TTLL11: variants seen among roughly 807,000 people sequenced by gnomAD.
The protein encoded by TTLL11 is tubulin polyglutamylase TTLL11.
Under a neutral mutation model 51.7 loss-of-function variants are expected in TTLL11, and 42 were observed. The ratio of observed to expected loss-of-function variants is 0.81; its 90% CI spans 0.64 to 1.05. The LOEUF is 1.05. TTLL11 is among the 50% of genes least tolerant of loss of function. The pLI is 0.00. For missense variants in TTLL11, 799 were observed against 940.4 expected, an observed-to-expected ratio of 0.85 and a Z score of 1.97; for synonymous variants, 381 against 383.5, an observed-to-expected ratio of 0.99 and a Z score of 0.08.
chr9:121,854,118 T>C (rs1281299456), intron 8 of TTLL11, among the ~76,000 whole-genome samples: 2 of 152,116 alleles, frequency 1.3e-5, no homozygotes, highest in Non-Finnish European at 2.9e-5. Context: ...TTGCCTAACT[T>C]CCCTGAGGTT....
At chr9:122,034,212 G>A (rs1844637459) in intron 2 of TTLL11, among the ~76,000 whole-genome samples, 1 of 152,224 alleles carries the variant, frequency 6.6e-6, no homozygotes, top group South Asian at 2.1e-4. Context: ...AGGTCAGAAG[G>A]GCTCACACAA....
At chr9:122,031,653 CACACAGG>C in intron 3 of TTLL11, 63 bp downstream of exon 3, 1 of 1,551,954 alleles carries the variant, frequency 6.4e-7, no homozygotes, top group South Asian at 1.2e-5. Flanking sequence ...CAGCTCCCAG[CACACAGG>C]ACCCAGGACA....
intron 6 of TTLL11, among the ~76,000 whole-genome samples, chr9:121,964,635 T>C (rs1275321329): frequency 6.6e-6 from 1 of 152,016 alleles, no homozygotes; most frequent in Non-Finnish European, 1.5e-5. Context: ...ACCTCCGGCT[T>C]TGGGTTTCCA....
intron 6 of TTLL11, among the ~76,000 whole-genome samples, chr9:121,892,632 A>G (rs893237366): frequency 6.6e-6 from 1 of 152,308 alleles, no homozygotes; most frequent in Non-Finnish European, 1.5e-5. Context: ...AAACCATATC[A>G]AGAACCTTTT....
chr9:122,004,131 T>A (rs899050459), intron 3 of TTLL11, among the ~76,000 whole-genome samples: 7 of 151,258 alleles, frequency 4.6e-5, no homozygotes, highest in East Asian at 2.0e-4. Context: ...CAAAAAAAAA[T>A]AATAAAATAA....
intron 6 of TTLL11, among the ~76,000 whole-genome samples, chr9:121,895,552 T>C (rs1179773732): frequency 2.0e-5 from 3 of 151,580 alleles, no homozygotes; most frequent in Non-Finnish European, 4.4e-5. Context: ...TCGTTGTACA[T>C]ATGTGTGTGT....
At chr9:121,986,326 G>A (rs1287586714) in intron 4 of TTLL11, among the ~76,000 whole-genome samples, 2 of 152,152 alleles carry the variant, frequency 1.3e-5, no homozygotes, top group African/African-American at 2.4e-5. Context: ...AGGGCTCTGT[G>A]GCTTGGCTCT....
chr9:121,824,069 A>C (rs1054274583), intron 8 of TTLL11, among the ~76,000 whole-genome samples: 18 of 152,188 alleles, frequency 1.2e-4, no homozygotes, highest in African/African-American at 4.3e-4. Flanking sequence ...CTCAGTATAG[A>C]TGAATGAGTG....
At position 122,028,114 on chromosome 9, in the gene TTLL11, A is replaced by T. The variant is rs142864401; in HGVS notation, c.693+3609T>A. Among the ~76,000 whole-genome samples, 329 of 152,326 alleles carry T rather than the reference A, an allele frequency of 2.2e-3. 2 individuals carry two copies. Among genetic ancestry groups the T allele is most frequent in the African/African-American group, 7.6e-3 (314 of 41,564 alleles). ...ACCCTAGATACTAGGGCTAGGGTGAAAACTAAAAAGATTTTTAAAAGAAGT... is the reference window on the plus strand; with the variant it reads ...ACCCTAGATACTAGGGCTAGGGTGATAACTAAAAAGATTTTTAAAAGAAGT... On this transcript the variant is annotated intron_variant, in intron 3 of 8. Transcript: ENST00000321582.
At chr9:121,987,843 C>T (rs1203032028) in intron 4 of TTLL11, among the ~76,000 whole-genome samples, 1 of 152,090 alleles carries the variant, frequency 6.6e-6, no homozygotes, top group Non-Finnish European at 1.5e-5. Context: ...TCGTCACCCT[C>T]TTTGGTCACC....
At chr9:122,004,257 T>C (rs1843570668) in intron 3 of TTLL11, among the ~76,000 whole-genome samples, 1 of 152,188 alleles carries the variant, frequency 6.6e-6, no homozygotes, top group Admixed American at 6.5e-5. Context: ...AAGCCCTTTC[T>C]GGAAGATGCT....
intron 6 of TTLL11, among the ~76,000 whole-genome samples, chr9:121,953,036 C>G (rs1841898408): frequency 6.6e-6 from 1 of 152,158 alleles, no homozygotes; most frequent in Non-Finnish European, 1.5e-5. Flanking sequence ...AGATAAAGCT[C>G]TTTCCTAAGA....
At chr9:121,982,518 A>T (rs1261298692) in intron 4 of TTLL11, among the ~76,000 whole-genome samples, 3 of 152,058 alleles carry the variant, frequency 2.0e-5, no homozygotes, top group Non-Finnish European at 4.4e-5. Flanking sequence ...GGAGTTCAAG[A>T]CCAGCCTCAC....
chr9:121,925,041 C>T (rs1317206954), intron 6 of TTLL11, among the ~76,000 whole-genome samples: 4 of 152,132 alleles, frequency 2.6e-5, no homozygotes, highest in Non-Finnish European at 5.9e-5. Context: ...CTCCTGATGG[C>T]GAGGAGAACA....
chr9:121,864,806 T>C (rs1181877275), intron 7 of TTLL11, among the ~76,000 whole-genome samples: 1 of 152,238 alleles, frequency 6.6e-6, no homozygotes. Flanking sequence ...AGTCCAAGTA[T>C]AGAAATATTT....
intron 4 of TTLL11, among the ~76,000 whole-genome samples, chr9:121,979,669 C>T (rs1410037139): frequency 6.6e-6 from 1 of 152,158 alleles, no homozygotes; most frequent in Non-Finnish European, 1.5e-5. Flanking sequence ...TGCTCTCAAA[C>T]TTGCTCCTCT....
chr9:122,078,593 A>AT (rs1434774857), intron 1 of TTLL11, among the ~76,000 whole-genome samples: 1 of 152,164 alleles, frequency 6.6e-6, no homozygotes, highest in African/African-American at 2.4e-5. Context: ...CCAAGTGTTA[A>AT]TTTTTTTAAA....
intron 6 of TTLL11, among the ~76,000 whole-genome samples, chr9:121,969,838 G>A (rs1302645416): frequency 6.6e-6 from 1 of 152,194 alleles, no homozygotes; most frequent in Non-Finnish European, 1.5e-5. Flanking sequence ...ACAACACTGT[G>A]CAGCATAAAT....
intron 4 of TTLL11, among the ~76,000 whole-genome samples, chr9:121,981,856 T>C (rs1034821367): frequency 1.3e-5 from 2 of 152,228 alleles, no homozygotes; most frequent in Non-Finnish European, 2.9e-5. Flanking sequence ...CAAAGACTCT[T>C]CACTCTGTTC....
Sources: gnomAD v4.1 joint callset for allele counts (sites outside exome capture counted in the v4.1 genomes callset) on GRCh38, gnomAD v4.1.1 for gene constraint, MANE v1.5 for transcripts, NCBI Gene and HGNC (gene_info 2026-07-23, HGNC 2026-07-21) for gene names.